Variants in RAP1GAP2 observed in about 807,000 individuals in gnomAD.
The protein encoded by RAP1GAP2 is RAP1 GTPase activating protein 2.
Under a neutral mutation model 95.0 loss-of-function variants are expected in RAP1GAP2, and 27 were observed. The observed-to-expected ratio is 0.28, with a 90% CI of 0.21 to 0.39. The LOEUF (loss-of-function observed/expected upper bound fraction) is 0.39. RAP1GAP2 is among the 10% of genes least tolerant of loss of function. The pLI is 1.00. For missense variants in RAP1GAP2, 771 were observed against 970.0 expected (o/e 0.79, Z 2.72); for synonymous variants, 373 against 380.9 (o/e 0.98, Z 0.24).
chr17:2,999,110 G>C (rs1490742544), intron 14 of RAP1GAP2, among the ~76,000 whole-genome samples: 2 of 152,156 alleles, frequency 1.3e-5, no homozygotes, highest in African/African-American at 2.4e-5. Context: ...TCACGGGTCT[G>C]TCAGATGGCT....
At chr17:2,950,060 TC>T (rs2043860058) in intron 3 of RAP1GAP2, among the ~76,000 whole-genome samples, 2 of 104,038 alleles carry the variant, frequency 1.9e-5, no homozygotes, top group Admixed American at 1.1e-4. Context: ...TTCTTCTTCT[TC>T]TTTTTTTTTT....
Position 3,030,907 on chromosome 17 carries a change from C to A in RAP1GAP2, c.2108-15C>A. ...CACAGCTCCACCCTCCTTTCATGGC[C>A]GTTCTTTTTCTTAGATGCCAAAAGC... On this transcript the variant is annotated splice_polypyrimidine_tract_variant and intron_variant, in intron 22 of 24. Transcript: ENST00000254695. 6.2e-7 allele frequency: 1 copy of A among 1,600,708 alleles called. No homozygotes were observed. Among genetic ancestry groups the A allele is most frequent in the South Asian group, 1.1e-5 (1 of 89,222 alleles).
chr17:2,953,791 G>A (rs2044005011), intron 3 of RAP1GAP2, among the ~76,000 whole-genome samples: 1 of 152,152 alleles, frequency 6.6e-6, no homozygotes, highest in Non-Finnish European at 1.5e-5. Flanking sequence ...AAGTTGCAGT[G>A]AGCTGACATC....
intron 2 of RAP1GAP2, among the ~76,000 whole-genome samples, chr17:2,822,627 G>GTTTTTTTT (rs66503004): frequency 1.6e-5 from 2 of 127,850 alleles, no homozygotes; most frequent in Non-Finnish European, 3.4e-5. Context: ...GTTTTTTTTT[G>GTTTTTTTT]TTTTTTTTTT....
chr17:2,771,338 C>A (rs1002521995), intron 2 of RAP1GAP2, among the ~76,000 whole-genome samples: 1 of 152,112 alleles, frequency 6.6e-6, no homozygotes, highest in Non-Finnish European at 1.5e-5. Flanking sequence ...GCCCACTCTT[C>A]CCCCAGCACT....
intron 22 of RAP1GAP2, among the ~76,000 whole-genome samples, chr17:3,030,080 C>T (rs983288863): frequency 1.4e-5 from 2 of 146,540 alleles, no homozygotes; most frequent in Non-Finnish European, 3.0e-5. Flanking sequence ...ATATAATATA[C>T]ATATGTTATA....
intron 3 of RAP1GAP2, among the ~76,000 whole-genome samples, chr17:2,914,794 C>CT (rs1351771209): frequency 0.093 from 11,144 of 120,190 alleles, 1,005 homozygotes; most frequent in East Asian, 0.31. Context: ...CCGGCCACTT[C>CT]TTTTTTTTTT....
At chr17:2,943,388 A>G (rs9913168) in intron 3 of RAP1GAP2, among the ~76,000 whole-genome samples, 1 of 152,118 alleles carries the variant, frequency 6.6e-6, no homozygotes, top group Non-Finnish European at 1.5e-5. Context: ...GAAGTGCACT[A>G]TAGGGGTGGG....
intron 2 of RAP1GAP2, among the ~76,000 whole-genome samples, chr17:2,877,843 A>T (rs1447845086): frequency 6.6e-6 from 1 of 152,208 alleles, no homozygotes; most frequent in Non-Finnish European, 1.5e-5. Flanking sequence ...TAGGGGGCTC[A>T]TATGATCAGG....
chr17:2,829,510 C>G (rs891471393), intron 2 of RAP1GAP2, among the ~76,000 whole-genome samples: 3 of 152,176 alleles, frequency 2.0e-5, no homozygotes, highest in Admixed American at 6.6e-5. Context: ...CACCTCCAGC[C>G]CCTCTAGCAG....
At chr17:2,909,950 G>A (rs954436819) in intron 3 of RAP1GAP2, among the ~76,000 whole-genome samples, 2 of 152,172 alleles carry the variant, frequency 1.3e-5, no homozygotes, top group Admixed American at 6.5e-5. Context: ...CTTAGCCTGT[G>A]GCTGCAGTTA....
chr17:2,886,173 T>TATATA (rs1567742865), intron 2 of RAP1GAP2, among the ~76,000 whole-genome samples: 11 of 97,694 alleles, frequency 1.1e-4, no homozygotes, highest in African/African-American at 4.7e-4. Context: ...ATATATATAT[T>TATATA]TTTTTTTTTT....
At chr17:2,945,752 T>C (rs1292487226) in intron 3 of RAP1GAP2, among the ~76,000 whole-genome samples, 1 of 152,088 alleles carries the variant, frequency 6.6e-6, no homozygotes, top group East Asian at 1.9e-4. Flanking sequence ...TTCTTCATCC[T>C]GTTAATGTGA....
chr17:2,921,647 T>TA (rs1211486933), intron 3 of RAP1GAP2, among the ~76,000 whole-genome samples: 2 of 148,068 alleles, frequency 1.4e-5, no homozygotes, highest in African/African-American at 5.1e-5. Flanking sequence ...GCAGGGCCGT[T>TA]ATGTGTCCTC....
chr17:2,769,999 G>C (rs2068355906), intron 1 of RAP1GAP2, among the ~76,000 whole-genome samples: 1 of 150,704 alleles, frequency 6.6e-6, no homozygotes. Flanking sequence ...CTTGAACTTG[G>C]GAGGTGGAGG....
intron 23 of RAP1GAP2, 80 bp from the exon 24 acceptor site, chr17:3,032,331 G>A: frequency 6.5e-7 from 1 of 1,534,588 alleles, no homozygotes; most frequent in South Asian, 1.1e-5. Flanking sequence ...ACTGTTGAGA[G>A]CTGAGTGCAC....
intron 3 of RAP1GAP2, among the ~76,000 whole-genome samples, chr17:2,913,081 G>A (rs2042443487): frequency 6.6e-6 from 1 of 152,112 alleles, no homozygotes; most frequent in African/African-American, 2.4e-5. Context: ...TGGAGGCCAA[G>A]GTGGGAAGAT....
At chr17:2,838,016 CT>C (rs71153304) in intron 2 of RAP1GAP2, among the ~76,000 whole-genome samples, 20 of 94,446 alleles carry the variant, frequency 2.1e-4, no homozygotes, top group Admixed American at 4.7e-4. Context: ...TTCTTTTTTC[CT>C]TTTTTTTTTT....
chr17:2,948,577 G>A (rs1160737992), intron 3 of RAP1GAP2, among the ~76,000 whole-genome samples: 2 of 145,590 alleles, frequency 1.4e-5, no homozygotes, highest in Non-Finnish European at 3.0e-5. Context: ...TCCTGGACTC[G>A]GGTGCAACAA....
Sources: gnomAD v4.1 joint callset for allele counts (sites outside exome capture counted in the v4.1 genomes callset) on GRCh38, gnomAD v4.1.1 for gene constraint, MANE v1.5 for transcripts, NCBI Gene and HGNC (gene_info 2026-07-23, HGNC 2026-07-21) for gene names.